PRR16: variants seen among roughly 807,000 people sequenced by gnomAD.
PRR16 encodes the protein proline rich 16.
In PRR16, 6 loss-of-function variants were observed where a neutral mutation model predicts 18.2. That is an observed-to-expected ratio of 0.33 (90% confidence interval 0.18 to 0.65). PRR16 has a LOEUF of 0.65. Ranked by LOEUF, PRR16 falls within the 30% of genes least tolerant of loss-of-function variation. The pLI, the probability that PRR16 is intolerant of heterozygous loss-of-function variation, is 0.74. For missense variants in PRR16, 412 were observed against 376.6 expected (o/e 1.09, Z -0.78); for synonymous variants, 151 against 147.8 (o/e 1.02, Z -0.16).
intron 1 of PRR16, among the ~76,000 whole-genome samples, chr5:120,569,786 A>G (rs1752849724): frequency 6.6e-6 from 1 of 152,148 alleles, no homozygotes; most frequent in African/African-American, 2.4e-5. Context: ...GTAGAAAATA[A>G]TACATGCCAG....
chr5:120,524,650 C>G (rs746748759), intron 1 of PRR16, among the ~76,000 whole-genome samples: 20 of 151,892 alleles, frequency 1.3e-4, no homozygotes, highest in Non-Finnish European at 2.5e-4. Context: ...AACAAGAATT[C>G]ATAGTACATT....
At chr5:120,784,873 G>A in the PRR16 span, among the ~76,000 whole-genome samples, 1 of 152,096 alleles carries the variant, frequency 6.6e-6, no homozygotes, top group Non-Finnish European at 1.5e-5. Context: ...TTATGACCAG[G>A]ACAGGAATAT....
chr5:120,570,905 A>T (rs1417098711), intron 1 of PRR16, among the ~76,000 whole-genome samples: 1 of 152,186 alleles, frequency 6.6e-6, no homozygotes, highest in Non-Finnish European at 1.5e-5. Flanking sequence ...TTATAAAAAA[A>T]GTATGAGACA....
At chr5:120,531,949 C>T (rs747190602) in intron 1 of PRR16, among the ~76,000 whole-genome samples, 1 of 152,104 alleles carries the variant, frequency 6.6e-6, no homozygotes, top group Non-Finnish European at 1.5e-5. Flanking sequence ...TGATATCCAA[C>T]TTGTTAATAG....
the PRR16 span, among the ~76,000 whole-genome samples, chr5:120,729,004 T>C: frequency 1.3e-5 from 2 of 152,128 alleles, no homozygotes; most frequent in Non-Finnish European, 2.9e-5. Context: ...TTCTAACAGA[T>C]GCTGCAGGAG....
At chr5:120,665,561 G>A (rs1005189296) in intron 1 of PRR16, among the ~76,000 whole-genome samples, 29 of 152,132 alleles carry the variant, frequency 1.9e-4, no homozygotes, top group Non-Finnish European at 4.1e-4. Context: ...GTATTGCCTA[G>A]GTTTTCTTCT....
At chr5:120,588,959 A>G (rs1051271200) in intron 1 of PRR16, among the ~76,000 whole-genome samples, 1 of 152,028 alleles carries the variant, frequency 6.6e-6, no homozygotes, top group Non-Finnish European at 1.5e-5. Flanking sequence ...TTCTACCATT[A>G]ATTTCTAGGC....
At chr5:120,528,914 C>A (rs745744960) in intron 1 of PRR16, among the ~76,000 whole-genome samples, 3 of 152,114 alleles carry the variant, frequency 2.0e-5, no homozygotes, top group Non-Finnish European at 2.9e-5. Context: ...AAACTATGAG[C>A]CCTTGTGAAA....
intron 1 of PRR16, among the ~76,000 whole-genome samples, chr5:120,466,218 C>A (rs567228187): frequency 6.6e-6 from 1 of 152,306 alleles, no homozygotes; most frequent in South Asian, 2.1e-4. Context: ...AAATTCAATT[C>A]TAAAAATGCT....
chr5:120,606,956 A>G (rs913589702), intron 1 of PRR16, among the ~76,000 whole-genome samples: 16 of 152,152 alleles, frequency 1.1e-4, no homozygotes, highest in African/African-American at 2.9e-4. Context: ...AATATTATGT[A>G]TTATTGGCTA....
At chr5:120,660,580 G>T (rs1351019955) in intron 1 of PRR16, among the ~76,000 whole-genome samples, 1 of 152,020 alleles carries the variant, frequency 6.6e-6, no homozygotes, top group Non-Finnish European at 1.5e-5. Context: ...ACATGCTCTT[G>T]TTTGACATAT....
At chr5:120,702,455 G>A in the PRR16 span, among the ~76,000 whole-genome samples, 2 of 151,962 alleles carry the variant, frequency 1.3e-5, no homozygotes, top group Non-Finnish European at 2.9e-5. Flanking sequence ...AGCAGAGAAG[G>A]GGTAGAGACA....
chr5:120,763,899 A>C, the PRR16 span, among the ~76,000 whole-genome samples: 1 of 151,928 alleles, frequency 6.6e-6, no homozygotes, highest in Admixed American at 6.6e-5. Context: ...GATTGTTTAT[A>C]TTGATTTTGT....
intron 1 of PRR16, among the ~76,000 whole-genome samples, chr5:120,598,288 T>A (rs1341436199): frequency 6.6e-6 from 1 of 151,900 alleles, no homozygotes; most frequent in Non-Finnish European, 1.5e-5. Context: ...GTAGGCAATT[T>A]TTGTTAGTTT....
chr5:120,749,614 G>A, the PRR16 span, among the ~76,000 whole-genome samples: 1 of 152,112 alleles, frequency 6.6e-6, no homozygotes, highest in Non-Finnish European at 1.5e-5. Context: ...CAATCTCTTT[G>A]CATTGAGAGC....
At chr5:120,662,040 T>G (rs1756191022) in intron 1 of PRR16, among the ~76,000 whole-genome samples, 1 of 152,050 alleles carries the variant, frequency 6.6e-6, no homozygotes, top group African/African-American at 2.4e-5. Flanking sequence ...AAATGGAGTG[T>G]AATGGGCTAT....
intron 1 of PRR16, among the ~76,000 whole-genome samples, chr5:120,567,851 C>T (rs1752784696): frequency 6.6e-6 from 1 of 152,136 alleles, no homozygotes; most frequent in African/African-American, 2.4e-5. Flanking sequence ...ATTACCCAGT[C>T]TCTGTTAGTT....
intron 1 of PRR16, among the ~76,000 whole-genome samples, chr5:120,579,388 A>G (rs1472070111): frequency 6.6e-6 from 1 of 151,962 alleles, no homozygotes; most frequent in African/African-American, 2.4e-5. Context: ...GTTTTGGGTT[A>G]TACATTTAAG....
At chr5:120,530,497 C>T (rs368433177) in intron 1 of PRR16, among the ~76,000 whole-genome samples, 54 of 150,908 alleles carry the variant, frequency 3.6e-4, no homozygotes, top group African/African-American at 1.3e-3. Context: ...TTTTGTAGTC[C>T]CCCATATTGC....
Sources: gnomAD v4.1 joint callset for allele counts (sites outside exome capture counted in the v4.1 genomes callset) on GRCh38, gnomAD v4.1.1 for gene constraint, MANE v1.5 for transcripts, NCBI Gene and HGNC (gene_info 2026-07-23, HGNC 2026-07-21) for gene names.